TRPM3: variants seen among roughly 807,000 people sequenced by gnomAD.
The protein encoded by TRPM3 is long transient receptor potential channel 3.
TRPM3 carries 77 observed loss-of-function variants against 181.2 expected under a neutral mutation model. The ratio of observed to expected loss-of-function variants is 0.42; its 90% CI spans 0.35 to 0.51. The LOEUF is 0.51. Among genes scored for constraint, TRPM3 ranks in the 20% least tolerant of loss-of-function variants. The pLI, the probability that TRPM3 is intolerant of heterozygous loss-of-function variation, is 0.01. For missense variants in TRPM3, 1,759 were observed against 2,196.7 expected (o/e 0.80, Z 3.98); for synonymous variants, 745 against 796.4 (o/e 0.94, Z 1.09).
At chr9:71,065,790 C>T (rs1006968077) in intron 1 of TRPM3, among the ~76,000 whole-genome samples, 1 of 152,168 alleles carries the variant, frequency 6.6e-6, no homozygotes, top group Non-Finnish European at 1.5e-5. Flanking sequence ...CACACAGAGT[C>T]TAATTTGCAC....
chr9:70,742,462 G>T (rs1014333138), intron 8 of TRPM3, among the ~76,000 whole-genome samples: 1 of 141,966 alleles, frequency 7.0e-6, no homozygotes, highest in African/African-American at 2.4e-5. Flanking sequence ...CCTCCTTCTA[G>T]CTGTTTGAAC....
rs183851653 is a variant in TRPM3 at position 71,189,368 on chromosome 9, C to T, written c.183+257285G>A. Among the ~76,000 whole-genome samples, 35 of 151,874 alleles carry T rather than the reference C, an allele frequency of 2.3e-4. 1 individual carries two copies. The highest frequency in any genetic ancestry group is 3.9e-4 in the Admixed American group (6 of 15,206). ...ACAGCATATATGGTACATTTGTATA[C>T]GTATGTTGTTTTAAACAAAATTACC... On this transcript the variant is annotated intron_variant, in intron 1 of 24. Transcript: ENST00000357533.
intron 1 of TRPM3, among the ~76,000 whole-genome samples, chr9:71,234,221 T>C (rs895288945): frequency 1.3e-4 from 20 of 152,172 alleles, no homozygotes; most frequent in African/African-American, 4.8e-4. Flanking sequence ...AACATGGCAG[T>C]TGGTTTCTCC....
At chr9:71,427,852 C>T (rs1310237901) in intron 1 of TRPM3, among the ~76,000 whole-genome samples, 3 of 152,144 alleles carry the variant, frequency 2.0e-5, no homozygotes, top group African/African-American at 4.8e-5. Flanking sequence ...GAACTCTCAA[C>T]CTCAGCATCA....
intron 1 of TRPM3, among the ~76,000 whole-genome samples, chr9:71,378,866 TTATA>T (rs1187879548): frequency 6.6e-6 from 1 of 152,014 alleles, no homozygotes; most frequent in Non-Finnish European, 1.5e-5. Context: ...TATTGAATAA[TTATA>T]TATAATGCGT....
chr9:70,661,086 A>T (rs531788887), intron 9 of TRPM3, among the ~76,000 whole-genome samples: 1 of 152,346 alleles, frequency 6.6e-6, no homozygotes, highest in African/African-American at 2.4e-5. Context: ...ATAATGCATC[A>T]TGATCAAGTG....
chr9:70,876,388 G>T (rs1024094670), intron 1 of TRPM3, among the ~76,000 whole-genome samples: 2 of 150,638 alleles, frequency 1.3e-5, no homozygotes, highest in African/African-American at 4.9e-5. Flanking sequence ...TCAAATGTAG[G>T]TATAAAGAAT....
At chr9:71,359,891 G>A (rs558397385) in intron 1 of TRPM3, among the ~76,000 whole-genome samples, 2 of 152,182 alleles carry the variant, frequency 1.3e-5, no homozygotes, top group South Asian at 2.1e-4. Flanking sequence ...AGAATGGGAT[G>A]ATCTATATAA....
At chr9:70,946,620 A>G (rs113930843) in intron 1 of TRPM3, among the ~76,000 whole-genome samples, 2,976 of 152,202 alleles carry the variant, frequency 0.02, 49 homozygotes, top group East Asian at 0.047. Context: ...ATGTATCTAT[A>G]TCAATGAATT....
Position 70,552,935 on chromosome 9 carries a change from G to A in TRPM3, c.3483C>T (p.Ile1161=). 1 of 1,614,208 alleles carries A rather than the reference G, an allele frequency of 6.2e-7. No individual in the cohort carries two copies. Among genetic ancestry groups the A allele is most frequent in the Non-Finnish European group, 8.5e-7 (1 of 1,180,034 alleles). ...HERPVLPPPL[I]IFSHMTMIFQ... ...ATATCATGGTCATGTGGCTGAAGATGATCAGTGGTGGGGGCAGAACTGGCC... is the reference window on the plus strand; with the variant it reads ...ATATCATGGTCATGTGGCTGAAGATAATCAGTGGTGGGGGCAGAACTGGCC... The change falls in exon 24 of 26, where the codon ATC becomes ATT. Residue 1161 remains isoleucine, a synonymous_variant. Coordinates refer to ENST00000677713, the MANE Select transcript of TRPM3 (RefSeq NM_001366145.2).
chr9:70,581,075 C>G (rs961165491), intron 22 of TRPM3, among the ~76,000 whole-genome samples: 1 of 152,190 alleles, frequency 6.6e-6, no homozygotes, highest in East Asian at 1.9e-4. Flanking sequence ...CTCCTTTATT[C>G]CTTTGTGTAT....
At chr9:70,827,689 A>T (rs147970255) in intron 6 of TRPM3, 158 bp downstream of exon 6, 302 of 804,776 alleles carry the variant, frequency 3.8e-4, no homozygotes, top group Middle Eastern at 1.1e-3. Context: ...TCTCCTCTGG[A>T]TGGCTTCCTC....
chr9:71,346,835 G>T (rs1300751979), intron 1 of TRPM3, among the ~76,000 whole-genome samples: 1 of 152,212 alleles, frequency 6.6e-6, no homozygotes, highest in African/African-American at 2.4e-5. Flanking sequence ...AAACCTCATT[G>T]ATTGGGATGG....
At chr9:70,838,872 G>A (rs983389252) in intron 5 of TRPM3, among the ~76,000 whole-genome samples, 2 of 152,134 alleles carry the variant, frequency 1.3e-5, no homozygotes, top group African/African-American at 2.4e-5. Flanking sequence ...TGGTTAAACA[G>A]AGTGGACAAT....
At chr9:70,686,828 T>TC (rs936244649) in intron 8 of TRPM3, among the ~76,000 whole-genome samples, 3 of 98,232 alleles carry the variant, frequency 3.1e-5, no homozygotes, top group Admixed American at 9.9e-5. Flanking sequence ...TCTTTTTCTT[T>TC]TTTTTTTTCT....
intron 1 of TRPM3, among the ~76,000 whole-genome samples, chr9:71,164,462 C>T (rs968390737): frequency 6.6e-6 from 1 of 152,074 alleles, no homozygotes; most frequent in African/African-American, 2.4e-5. Context: ...AGTCTGTACA[C>T]CCCACAGCCT....
At chr9:71,428,162 G>A (rs1429091631) in intron 1 of TRPM3, among the ~76,000 whole-genome samples, 1 of 151,628 alleles carries the variant, frequency 6.6e-6, no homozygotes, top group Non-Finnish European at 1.5e-5. Context: ...TGCAATCTCA[G>A]CTCATTGCAA....
intron 5 of TRPM3, among the ~76,000 whole-genome samples, chr9:70,838,903 G>A (rs57091242): frequency 0.059 from 8,984 of 152,118 alleles, 439 homozygotes; most frequent in East Asian, 0.13. Context: ...AAAACATCAA[G>A]ATTAGTGCTG....
chr9:70,625,498 C>T lies in TRPM3; in HGVS notation c.1652G>A (p.Gly551Asp), dbSNP rs1346275911. The change falls in exon 13 of 26, where the codon GGT (glycine) becomes GAT (aspartate). Residue 551 changes from glycine to aspartate, a missense_variant. Coordinates refer to ENST00000677713, the MANE Select transcript of TRPM3 (RefSeq NM_001366145.2). This position sits in a 1 kb window ranked among gnomAD's most constrained non-coding sequence, Gnocchi z 4.8. ...DVKKREYPGF[G>D]WIYFKGNLPP... ...TTAATTCACCTTAAAATAGATCCAA[C>T]CGAAACCTGGATACTCTCGCTTGGA... is the stretch of plus-strand genomic sequence containing the variant. 1 of 1,612,582 alleles carries T rather than the reference C, an allele frequency of 6.2e-7. No individual in the cohort carries two copies. Among genetic ancestry groups the T allele is most frequent in the East Asian group, 2.2e-5 (1 of 44,880 alleles).
Sources: allele counts gnomAD v4.1 joint callset (sites outside exome capture counted in the v4.1 genomes callset), GRCh38; gene constraint gnomAD v4.1.1; non-coding constraint Gnocchi (gnomAD v3.1); transcripts MANE v1.5; gene names NCBI Gene and HGNC (gene_info 2026-07-23, HGNC 2026-07-21).